FOXP2: variants seen among roughly 807,000 people sequenced by gnomAD.
FOXP2 encodes forkhead box protein P2.
A neutral mutation model predicts 115.8 loss-of-function variants in FOXP2; 12 were observed. The observed-to-expected ratio is 0.10, with a 90% CI of 0.07 to 0.17. The LOEUF is 0.17. Among genes scored for constraint, FOXP2 ranks in the 10% least tolerant of loss-of-function variants. The pLI is 1.00. For synonymous variants in FOXP2, 328 were observed against 297.7 expected, an observed-to-expected ratio of 1.10 and a Z score of -1.05; for missense variants, 629 against 843.5, an observed-to-expected ratio of 0.75 and a Z score of 3.15.
At chr7:114,438,261 A>C (rs1308848815) in intron 2 of FOXP2, among the ~76,000 whole-genome samples, 2 of 152,110 alleles carry the variant, frequency 1.3e-5, no homozygotes, top group African/African-American at 4.8e-5. Flanking sequence ...CTTAAATTTT[A>C]TAAACAATCC....
chr7:114,412,048 A>G (rs1562909827), upstream of FOXP2, among the ~76,000 whole-genome samples: 1 of 152,148 alleles, frequency 6.6e-6, no homozygotes, highest in Non-Finnish European at 1.5e-5. Context: ...GTTATAGTTC[A>G]GTGGAATTGC....
At chr7:114,154,960 C>T (rs1792624587) in intron 1 of FOXP2, among the ~76,000 whole-genome samples, 1 of 152,052 alleles carries the variant, frequency 6.6e-6, no homozygotes, top group African/African-American at 2.4e-5. Flanking sequence ...TGACAATCTA[C>T]GTTATGTCAG....
At chr7:114,142,012 A>C (rs1792225426) in intron 1 of FOXP2, among the ~76,000 whole-genome samples, 1 of 151,210 alleles carries the variant, frequency 6.6e-6, no homozygotes, top group Non-Finnish European at 1.5e-5. Flanking sequence ...ATTTTTAGAA[A>C]TGTTTTAAAG....
At chr7:114,421,225 T>A (rs1428239282) in intron 1 of FOXP2, among the ~76,000 whole-genome samples, 2 of 151,562 alleles carry the variant, frequency 1.3e-5, no homozygotes, top group Non-Finnish European at 3.0e-5. Context: ...TAATTAAATA[T>A]TTATGTTTTG....
intron 3 of FOXP2, among the ~76,000 whole-genome samples, chr7:114,576,474 T>C (rs1801582546): frequency 6.6e-6 from 1 of 151,912 alleles, no homozygotes; most frequent in Admixed American, 6.6e-5. Flanking sequence ...TGGAGGATCG[T>C]CTTTGAAATT....
At chr7:114,498,950 A>G (rs1287694629) in intron 2 of FOXP2, 1 of 717,810 alleles carries the variant, frequency 1.4e-6, no homozygotes, top group East Asian at 2.7e-5. Context: ...CTGATGACCT[A>G]GAAGAGCGAT....
In FOXP2 at chr7:114,641,506, T is replaced by G. The variant is rs10255112; in HGVS notation, c.776-904T>G. On this transcript the variant is annotated intron_variant, in intron 6 of 16. Coordinates refer to ENST00000350908, the MANE Select transcript of FOXP2 (RefSeq NM_014491.4). ...ATCCAGTTAAGTAAGCATATTGGTT[T>G]GTTTAAGACACCAAAATTAAATTTA... is the stretch of plus-strand genomic sequence containing the variant. Among the ~76,000 whole-genome samples, 809 of 152,288 alleles carry G rather than the reference T, an allele frequency of 5.3e-3. 8 individuals are homozygous for G. The highest frequency in any genetic ancestry group is 0.018 in the African/African-American group (756 of 41,578).
At chr7:114,628,845 C>A in intron 4 of FOXP2, 168 bp downstream of exon 4, 1 of 777,296 alleles carries the variant, frequency 1.3e-6, no homozygotes, top group Non-Finnish European at 2.0e-6. Context: ...GTAAGAAAAT[C>A]TAGATTGCTT....
intron 3 of FOXP2, among the ~76,000 whole-genome samples, chr7:114,615,080 G>A (rs1445820770): frequency 1.3e-5 from 2 of 152,150 alleles, no homozygotes; most frequent in South Asian, 2.1e-4. Context: ...TTAGCCAGGC[G>A]TGGTGGTGGG....
chr7:114,274,016 TC>T (rs1387107137), intron 1 of FOXP2, among the ~76,000 whole-genome samples: 1 of 152,050 alleles, frequency 6.6e-6, no homozygotes, highest in East Asian at 1.9e-4. Flanking sequence ...TTCCATTTTT[TC>T]CTGCCTTTTG....
Position 114,269,262 on chromosome 7 carries a change from A to G in FOXP2, c.-101-18757A>G, listed in dbSNP as rs115563465. Among the ~76,000 whole-genome samples the G allele has an allele frequency of 5.0e-3, 766 of 152,276 alleles. 4 individuals carry two copies. Among genetic ancestry groups the G allele is most frequent in the African/African-American group, 0.017 (717 of 41,556 alleles). On this transcript the variant is annotated intron_variant, in intron 1 of 17. Coordinates refer to the FOXP2 transcript ENST00000634411. ...GGGTAGTCATATTGTTGATATTTTG[A>G]ATAGAGATAGACAGAAAAAGAATTA...
At chr7:114,458,203 A>G (rs1323955975) in intron 2 of FOXP2, among the ~76,000 whole-genome samples, 4 of 152,158 alleles carry the variant, frequency 2.6e-5, no homozygotes, top group Admixed American at 2.6e-4. Flanking sequence ...TGATACTAAG[A>G]AAGGGAATGT....
chr7:114,354,076 G>A (rs556143905), intron 2 of FOXP2, among the ~76,000 whole-genome samples: 3 of 152,254 alleles, frequency 2.0e-5, no homozygotes, highest in East Asian at 3.9e-4. Flanking sequence ...ATCATGTTGG[G>A]CATCAGCCAG....
chr7:114,480,519 TTA>T (rs1277746300), intron 2 of FOXP2, among the ~76,000 whole-genome samples: 1 of 150,478 alleles, frequency 6.6e-6, no homozygotes, highest in African/African-American at 2.4e-5. Flanking sequence ...GAATTTGATT[TTA>T]TATATATATG....
At chr7:114,433,374 CA>C (rs1246267959) in intron 2 of FOXP2, among the ~76,000 whole-genome samples, 7 of 151,542 alleles carry the variant, frequency 4.6e-5, no homozygotes, top group Non-Finnish European at 7.4e-5. Context: ...ACTTACCTGC[CA>C]AAAATCTAAC....
chr7:114,642,267 TA>T, intron 6 of FOXP2, 142 bp from the exon 7 acceptor site: 1 of 694,164 alleles, frequency 1.4e-6, no homozygotes. Context: ...GCTGATAGTG[TA>T]AAAGTGATTT....
chr7:114,485,729 C>T, intron 2 of FOXP2, among the ~76,000 whole-genome samples: 1 of 152,084 alleles, frequency 6.6e-6, no homozygotes, highest in Non-Finnish European at 1.5e-5. Flanking sequence ...CATGTACTCA[C>T]TTATTTAATC....
At chr7:114,528,247 C>T (rs764669803) in intron 2 of FOXP2, among the ~76,000 whole-genome samples, 6 of 152,036 alleles carry the variant, frequency 3.9e-5, no homozygotes, top group African/African-American at 1.2e-4. Flanking sequence ...GTCATCTCCA[C>T]GAAATGATTC....
At chr7:114,393,965 TGTGTGTGTGTGTGA>T (rs1792672809) in intron 2 of FOXP2, among the ~76,000 whole-genome samples, 1 of 128,226 alleles carries the variant, frequency 7.8e-6, no homozygotes, top group African/African-American at 2.9e-5. Flanking sequence ...TCAGTGTGCA[TGTGTGTGTGTGTGA>T]GAGTGTGTGT....
Sources: allele counts gnomAD v4.1 joint callset (sites outside exome capture counted in the v4.1 genomes callset), GRCh38; gene constraint gnomAD v4.1.1; transcripts MANE v1.5; gene names NCBI Gene and HGNC (gene_info 2026-07-23, HGNC 2026-07-21).